Variants in SEMA3A observed in about 807,000 individuals in gnomAD.
SEMA3A encodes the protein semaphorin-3A.
In SEMA3A, 29 loss-of-function variants were observed where a neutral mutation model predicts 97.9. The ratio of observed to expected loss-of-function variants is 0.30; its 90% CI spans 0.22 to 0.40. The LOEUF is 0.40. Among genes scored for constraint, SEMA3A ranks in the 10% least tolerant of loss-of-function variants. The pLI is 1.00. For missense variants in SEMA3A, 763 were observed against 951.3 expected (o/e 0.80, Z 2.60); for synonymous variants, 321 against 323.7 (o/e 0.99, Z 0.09).
chr7:84,460,087 C>G (rs1417543066), intron 1 of SEMA3A, among the ~76,000 whole-genome samples: 1 of 152,104 alleles, frequency 6.6e-6, no homozygotes. Flanking sequence ...TTTTCAGAGA[C>G]ATTAGGCAGG....
At position 84,436,723 on chromosome 7, in the gene SEMA3A, T is replaced by C. The variant is rs187057889; in HGVS notation, c.-246+55737A>G. Among the ~76,000 whole-genome samples the C allele has an allele frequency of 2.6e-4, 40 of 152,264 alleles. 1 individual carries two copies. Among genetic ancestry groups the C allele is most frequent in the Admixed American group, 1.2e-3 (19 of 15,296 alleles). On this transcript the variant is annotated intron_variant, in intron 1 of 3. Coordinates refer to the SEMA3A transcript ENST00000424555. ...TGTTATTTTCTCATAAAACAATCTATAAGATCATGTTTTGGTGGTAAGTCT... is the reference window on the plus strand; with the variant it reads ...TGTTATTTTCTCATAAAACAATCTACAAGATCATGTTTTGGTGGTAAGTCT...
intron 1 of SEMA3A, among the ~76,000 whole-genome samples, chr7:84,418,084 G>A (rs1395272624): frequency 6.6e-6 from 1 of 152,084 alleles, no homozygotes; most frequent in Non-Finnish European, 1.5e-5. Context: ...GTTTCTGAGT[G>A]TGTCTGTGAG....
At chr7:84,460,716 T>A (rs1026614160) in intron 1 of SEMA3A, among the ~76,000 whole-genome samples, 1 of 152,222 alleles carries the variant, frequency 6.6e-6, no homozygotes, top group Non-Finnish European at 1.5e-5. Context: ...CTTTATTATA[T>A]GCTTTGCTTT....
In SEMA3A at chr7:84,091,167, GGAAAGAAAGAAA is replaced by G. The variant is rs1165324789; in HGVS notation, c.453+19291_453+19302del. 9.5e-3 allele frequency among the ~76,000 whole-genome samples: 406 copies of G among 42,852 alleles called. 13 individuals are homozygous for G. Among genetic ancestry groups the G allele is most frequent in the Non-Finnish European group, 0.016 (343 of 20,880 alleles). The allele number at this position is 42,852 out of a possible 152,430, so 28.1% of individuals were successfully genotyped here. ...AGGAAGGAAGGAAGGAAGGAAGGAA[GGAAAGAAAGAAA>G]GAAAGAAAGAAAGAAAGAAAGAAAG... On this transcript the variant is annotated intron_variant, in intron 4 of 16. Transcript: ENST00000265362.
chr7:84,148,974 TTAG>T lies in SEMA3A; in HGVS notation c.113-14026_113-14024del, dbSNP rs370970074. Among the ~76,000 whole-genome samples the T allele has an allele frequency of 5.9e-3, 901 of 152,312 alleles. 9 individuals are homozygous for T. The highest frequency in any genetic ancestry group is 0.027 in the Middle Eastern group (8 of 294). On this transcript the variant is annotated intron_variant, in intron 1 of 16. Transcript: ENST00000265362. ...AAGGTTTCTGGTCAACAGAAGGCTG[TTAG>T]TAGTTAAGTTTTTGGATAGTCAAAA...
intron 1 of SEMA3A, among the ~76,000 whole-genome samples, chr7:84,387,302 A>G (rs918564677): frequency 2.6e-5 from 4 of 152,178 alleles, no homozygotes; most frequent in African/African-American, 9.6e-5. Flanking sequence ...ATAAATAGAT[A>G]GATAATAAAG....
chr7:84,414,550 C>T (rs1022324043), intron 1 of SEMA3A, among the ~76,000 whole-genome samples: 1 of 152,046 alleles, frequency 6.6e-6, no homozygotes, highest in African/African-American at 2.4e-5. Flanking sequence ...TAAGAAGACA[C>T]AAATGGTCAT....
chr7:84,329,940 T>C (rs1027920381), intron 2 of SEMA3A, among the ~76,000 whole-genome samples: 1 of 152,054 alleles, frequency 6.6e-6, no homozygotes, highest in African/African-American at 2.4e-5. Context: ...GGCTTGTAAC[T>C]GCTGGTTTAA....
At chr7:84,097,064 G>A (rs116791344) in intron 4 of SEMA3A, among the ~76,000 whole-genome samples, 3,250 of 152,104 alleles carry the variant, frequency 0.021, 110 homozygotes, top group African/African-American at 0.075. Context: ...CCAAGATTGA[G>A]GCCAGCAAAG....
At chr7:84,336,162 A>G (rs1802034494) in intron 2 of SEMA3A, among the ~76,000 whole-genome samples, 1 of 152,190 alleles carries the variant, frequency 6.6e-6, no homozygotes, top group Non-Finnish European at 1.5e-5. Context: ...TTTAAATATT[A>G]CAATGACTAT....
chr7:84,356,655 G>T (rs1288667113), intron 2 of SEMA3A, among the ~76,000 whole-genome samples: 2 of 151,894 alleles, frequency 1.3e-5, no homozygotes, highest in Non-Finnish European at 2.9e-5. Context: ...TGAAAAGCCT[G>T]TGATATTTTT....
At chr7:84,435,071 C>T (rs1472557782) in intron 1 of SEMA3A, among the ~76,000 whole-genome samples, 2 of 152,160 alleles carry the variant, frequency 1.3e-5, no homozygotes, top group Non-Finnish European at 2.9e-5. Context: ...AACTATATCT[C>T]CTTGCTGACT....
intron 2 of SEMA3A, among the ~76,000 whole-genome samples, chr7:84,321,136 A>G (rs1201612131): frequency 1.3e-5 from 2 of 152,186 alleles, no homozygotes; most frequent in African/African-American, 2.4e-5. Flanking sequence ...TTTGGACACA[A>G]TGTATGGAGG....
chr7:84,156,290 A>T (rs1462225693), intron 1 of SEMA3A, among the ~76,000 whole-genome samples: 2 of 152,142 alleles, frequency 1.3e-5, no homozygotes, highest in East Asian at 3.8e-4. Flanking sequence ...CAACTTGTTT[A>T]TTTAGACTCA....
intron 1 of SEMA3A, among the ~76,000 whole-genome samples, chr7:84,385,572 T>G (rs944104124): frequency 2.6e-5 from 4 of 152,072 alleles, no homozygotes; most frequent in African/African-American, 7.3e-5. Flanking sequence ...TCTTTCTATC[T>G]TCTCCATCTC....
intron 2 of SEMA3A, among the ~76,000 whole-genome samples, chr7:84,358,292 C>T (rs544380572): frequency 2.0e-5 from 3 of 152,234 alleles, no homozygotes; most frequent in African/African-American, 7.2e-5. Context: ...AGTCTTTAAT[C>T]CATCTTGAAT....
intron 2 of SEMA3A, among the ~76,000 whole-genome samples, chr7:84,342,676 G>A (rs1802198652): frequency 6.6e-6 from 1 of 152,156 alleles, no homozygotes; most frequent in African/African-American, 2.4e-5. Context: ...TATTTGCTAT[G>A]GTTGGCAATT....
At chr7:84,472,871 T>C (rs928997714) in intron 1 of SEMA3A, among the ~76,000 whole-genome samples, 1 of 152,128 alleles carries the variant, frequency 6.6e-6, no homozygotes, top group Non-Finnish European at 1.5e-5. Context: ...TAGTATTACC[T>C]CCCAAAGTGG....
In SEMA3A at chr7:84,055,366, C is replaced by T. The variant is rs180709356; in HGVS notation, c.547+5099G>A. ...CTAGCAATCAGCGAGACTCCGTGGG[C>T]GTAGGACCCTCCCAGCCAGGTGTGG... On this transcript the variant is annotated intron_variant, in intron 5 of 16. Transcript: ENST00000265362. Among the ~76,000 whole-genome samples the T allele has an allele frequency of 7.1e-3, 1,075 of 152,114 alleles. 9 individuals are homozygous for T. Among genetic ancestry groups the T allele is most frequent in the African/African-American group, 0.025 (1,032 of 41,496 alleles).
Sources: allele counts gnomAD v4.1 joint callset (sites outside exome capture counted in the v4.1 genomes callset), GRCh38; gene constraint gnomAD v4.1.1; transcripts MANE v1.5; gene names NCBI Gene and HGNC (gene_info 2026-07-23, HGNC 2026-07-21).